The following ATP5MC1 variants were observed in gnomAD, a reference collection of about 807,000 sequenced individuals.
ATP5MC1 encodes ATP synthase F(0) complex subunit C1, mitochondrial.
In ATP5MC1, 4 loss-of-function variants were observed where a neutral mutation model predicts 12.1. The ratio of observed to expected loss-of-function variants is 0.33; its 90% CI spans 0.16 to 0.76. The LOEUF (loss-of-function observed/expected upper bound fraction) is 0.76, where lower values mean the gene tolerates loss of function less well. Ranked by LOEUF, ATP5MC1 falls within the 30% of genes least tolerant of loss-of-function variation. The pLI, the probability that ATP5MC1 is intolerant of heterozygous loss-of-function variation, is 0.61. For missense variants in ATP5MC1, 117 were observed against 172.1 expected, an observed-to-expected ratio of 0.68 and a Z score of 1.79; for synonymous variants, 52 against 66.0, an observed-to-expected ratio of 0.79 and a Z score of 1.03.
At chr17:48,895,625 T>A in intron 4 of ATP5MC1, 30 bp from the exon 5 acceptor site, 3 of 1,552,670 alleles carry the variant, frequency 1.9e-6, no homozygotes, top group Non-Finnish European at 2.7e-6. Context: ...TTCCTCTCCC[T>A]CAACTGGCAA....
At chr17:48,893,539 G>A (rs1466825632) in intron 2 of ATP5MC1, 83 bp downstream of exon 2, 1 of 1,515,124 alleles carries the variant, frequency 6.6e-7, no homozygotes, top group Admixed American at 1.8e-5. Flanking sequence ...ACCCAGGGGA[G>A]CTTGGCGTCC....
chr17:48,895,443 T>A, intron 4 of ATP5MC1, 109 bp downstream of exon 4: 1 of 1,452,522 alleles, frequency 6.9e-7, no homozygotes, highest in Non-Finnish European at 9.3e-7. Context: ...TTCATCTACA[T>A]CATAGTTTCT....
At chr17:48,895,393 C>G in intron 4 of ATP5MC1, 59 bp downstream of exon 4, 2 of 1,533,592 alleles carry the variant, frequency 1.3e-6, no homozygotes, top group Non-Finnish European at 8.8e-7. Flanking sequence ...TTGGGGAAGC[C>G]TCAGCTGGAG....
intron 2 of ATP5MC1, 148 bp from the exon 3 acceptor site, chr17:48,894,224 G>T (rs2040552753): frequency 2.7e-6 from 2 of 747,990 alleles, no homozygotes; most frequent in Non-Finnish European, 4.6e-6. Flanking sequence ...TCTGGGGCAG[G>T]CCTATCTGAT....
chr17:48,894,034 CATCT>C, intron 2 of ATP5MC1: 1 of 251,248 alleles, frequency 4.0e-6, no homozygotes, highest in Non-Finnish European at 7.7e-6. Flanking sequence ...AAATTTCCCC[CATCT>C]GATTACTTGG....
At chr17:48,893,498 G>T (rs929886921) in intron 2 of ATP5MC1, 42 bp downstream of exon 2, 1 of 1,608,476 alleles carries the variant, frequency 6.2e-7, no homozygotes, top group Non-Finnish European at 8.5e-7. Flanking sequence ...CCAGGTGTAT[G>T]GTGTGGACGC....
At position 48,893,412 on chromosome 17, in the gene ATP5MC1, G is replaced by A; in HGVS notation, c.-6G>A. The A allele has an allele frequency of 1.2e-6, 2 of 1,613,980 alleles. No individual in the cohort carries two copies. The highest frequency in any genetic ancestry group is 1.7e-6 in the Non-Finnish European group (2 of 1,180,004). On this transcript the variant is annotated 5_prime_UTR_variant, in exon 2 of 5. Transcript: ENST00000393366. ...ACTATTTTTTCCCCCTCTGCAGACT[G>A]AAAAAATGCAGACCGCCGGGGCATT...
intron 3 of ATP5MC1, 59 bp from the exon 4 acceptor site, chr17:48,895,097 A>G: frequency 6.4e-7 from 1 of 1,567,142 alleles, no homozygotes; most frequent in Non-Finnish European, 8.7e-7. Flanking sequence ...AGAGTCAGCC[A>G]CCTGTCCTTA....
chr17:48,895,472 C>A, intron 4 of ATP5MC1, 138 bp downstream of exon 4: 1 of 1,378,262 alleles, frequency 7.3e-7, no homozygotes, highest in Non-Finnish European at 9.9e-7. Context: ...AACATGCATC[C>A]AGCCTGGCTC....
intron 2 of ATP5MC1, chr17:48,894,041 T>G: frequency 3.9e-6 from 1 of 257,916 alleles, no homozygotes; most frequent in Non-Finnish European, 7.5e-6. Flanking sequence ...CCCCATCTGA[T>G]TACTTGGTGA....
chr17:48,894,997 T>G, intron 3 of ATP5MC1, 159 bp from the exon 4 acceptor site: 1 of 855,242 alleles, frequency 1.2e-6, no homozygotes, highest in Non-Finnish European at 1.9e-6. Flanking sequence ...CTAAGACTAA[T>G]TCCCAGCATA....
At chr17:48,894,538 C>A in intron 3 of ATP5MC1, 89 bp downstream of exon 3, 2 of 1,332,510 alleles carry the variant, frequency 1.5e-6, no homozygotes, top group Admixed American at 1.7e-5. Flanking sequence ...GAGGCTGAGG[C>A]GAGAGGATCA....
At chr17:48,894,049 T>C in intron 2 of ATP5MC1, 1 of 264,776 alleles carries the variant, frequency 3.8e-6, no homozygotes, top group Non-Finnish European at 7.3e-6. Flanking sequence ...GATTACTTGG[T>C]GATCTGGGTA....
chr17:48,893,586 G>A, intron 2 of ATP5MC1, 130 bp downstream of exon 2: 4 of 1,059,106 alleles, frequency 3.8e-6, no homozygotes, highest in Non-Finnish European at 4.3e-6. Context: ...TGTAGGATGT[G>A]ATGAAGGTAA....
chr17:48,893,664 T>C, intron 2 of ATP5MC1: 1 of 621,118 alleles, frequency 1.6e-6, no homozygotes, highest in South Asian at 1.9e-5. Flanking sequence ...AGTCTGGATT[T>C]GATTTTTATC....
At chr17:48,894,318 T>A in intron 2 of ATP5MC1, 54 bp from the exon 3 acceptor site, 1 of 1,553,992 alleles carries the variant, frequency 6.4e-7, no homozygotes, top group Non-Finnish European at 8.9e-7. Context: ...GCTCAGCAAT[T>A]AGGATTTTTT....
chr17:48,893,320 G>T, intron 1 of ATP5MC1, 89 bp from the exon 2 acceptor site: 1 of 1,373,898 alleles, frequency 7.3e-7, no homozygotes. Flanking sequence ...GGACGGACGG[G>T]GGTGAAGGGG....
At chr17:48,893,632 T>A in intron 2 of ATP5MC1, 176 bp downstream of exon 2, 1 of 718,978 alleles carries the variant, frequency 1.4e-6, no homozygotes, top group East Asian at 2.7e-5. Flanking sequence ...CAAGCTATCT[T>A]GGCTTTGGAA....
chr17:48,895,575 A>G lies in ATP5MC1; in HGVS notation c.297-80A>G, dbSNP rs140370244. ...CCCTCTCCCAGGAGTAACAGTCCCC[A>G]TTCACCTCACCCTCCTGTGTCCTCC... is the stretch of plus-strand genomic sequence containing the variant. On this transcript the variant is annotated intron_variant, in intron 4 of 4. Transcript: ENST00000393366. 2.3e-3 allele frequency: 3,202 copies of G among 1,372,306 alleles called. 67 individuals carry two copies. In the African/African-American group the frequency reaches 0.039, roughly 17 times the overall value. 85.0% of individuals were successfully genotyped at this position (1,372,306 alleles called of 1,614,324 possible). A position where few individuals can be genotyped will look rare whatever the true frequency, so the allele number is the denominator to read the frequency against.
Sources: allele counts gnomAD v4.1 joint callset, GRCh38; gene constraint gnomAD v4.1.1; transcripts MANE v1.5; gene names NCBI Gene and HGNC (gene_info 2026-07-23, HGNC 2026-07-21).